The following MAPK4 variants were observed in gnomAD, a reference collection of about 807,000 sequenced individuals.
MAPK4 encodes the protein mitogen-activated protein kinase 4.
In MAPK4, 22 loss-of-function variants were observed where a neutral mutation model predicts 47.7. The ratio of observed to expected loss-of-function variants is 0.46; its 90% CI spans 0.33 to 0.66. The LOEUF (loss-of-function observed/expected upper bound fraction) is 0.66. Ranked by LOEUF, MAPK4 falls within the 30% of genes least tolerant of loss-of-function variation. The probability of loss-of-function intolerance (pLI) is 0.02; values close to 1 mark genes in which losing one functional copy is unlikely to be tolerated. For missense variants in MAPK4, 736 were observed against 831.7 expected, an observed-to-expected ratio of 0.88 and a Z score of 1.42; for synonymous variants, 390 against 365.7, an observed-to-expected ratio of 1.07 and a Z score of -0.76.
At chr18:50,633,776 G>C (rs911494306) in intron 1 of MAPK4, among the ~76,000 whole-genome samples, 2 of 152,188 alleles carry the variant, frequency 1.3e-5, no homozygotes, top group South Asian at 4.1e-4. Flanking sequence ...TGGTTGATAG[G>C]GTTGGTGATG....
intron 2 of MAPK4, among the ~76,000 whole-genome samples, chr18:50,680,128 G>A (rs1452295534): frequency 1.1e-4 from 12 of 111,668 alleles, no homozygotes; most frequent in African/African-American, 3.4e-4. Context: ...TTTCGCTCTT[G>A]TCGTCCAGGC....
At chr18:50,710,951 G>A (rs1256282009) in intron 2 of MAPK4, among the ~76,000 whole-genome samples, 2 of 152,180 alleles carry the variant, frequency 1.3e-5, no homozygotes, top group Non-Finnish European at 2.9e-5. Flanking sequence ...GGCAGTGGGG[G>A]CACAGCAAGG....
Position 50,721,949 on chromosome 18 carries a change from C to T in MAPK4, c.703C>T (p.Leu235=). 6.2e-7 allele frequency: 1 copy of T among 1,614,094 alleles called. No individual in the cohort carries two copies. Among genetic ancestry groups the T allele is most frequent in the Non-Finnish European group, 8.5e-7 (1 of 1,180,028 alleles). Residue 235 remains leucine (L), a synonymous_variant, in exon 4 of 6, where the codon CTG becomes TTG. Transcript: ENST00000400384. The part of the protein sequence containing the change: ...GRMLFAGAHE[L]EQMQLILETI... ...CATTGCCTCCCCAGGGGCCCATGAG[C>T]TGGAGCAGATGCAACTCATCCTGGA... is the stretch of plus-strand genomic sequence containing the variant.
At chr18:50,567,486 C>T (rs1190592888) in intron 1 of MAPK4, among the ~76,000 whole-genome samples, 1 of 152,094 alleles carries the variant, frequency 6.6e-6, no homozygotes, top group Non-Finnish European at 1.5e-5. Context: ...GGTATACATT[C>T]CAAAGAGTGA....
intron 2 of MAPK4, among the ~76,000 whole-genome samples, chr18:50,670,028 G>A (rs886858951): frequency 6.6e-5 from 10 of 152,026 alleles, no homozygotes; most frequent in Admixed American, 1.3e-4. Flanking sequence ...GCGTGGTGGC[G>A]GGCACCTGTA....
chr18:50,620,016 AT>A (rs1477754526), intron 1 of MAPK4, among the ~76,000 whole-genome samples: 1 of 152,188 alleles, frequency 6.6e-6, no homozygotes, highest in Non-Finnish European at 1.5e-5. Flanking sequence ...CAACTTCTTT[AT>A]TTGGGTTGGC....
intron 2 of MAPK4, among the ~76,000 whole-genome samples, chr18:50,712,192 C>CGAGGTAGGCAGACTGCGTGAGCTCAG: frequency 6.6e-6 from 1 of 152,264 alleles, no homozygotes; most frequent in East Asian, 1.9e-4. Context: ...TTCGAAAGGC[C>CGAGGTAGGCAGACTGCGTGAGCTCAG]GAGGTAGGCA....
intron 1 of MAPK4, among the ~76,000 whole-genome samples, chr18:50,620,913 T>G (rs1438949807): frequency 6.6e-6 from 1 of 152,182 alleles, no homozygotes; most frequent in Non-Finnish European, 1.5e-5. Context: ...ATCAACCTAA[T>G]AATTATTTTA....
At chr18:50,683,659 T>G (rs1463984917) in intron 2 of MAPK4, among the ~76,000 whole-genome samples, 1 of 152,190 alleles carries the variant, frequency 6.6e-6, no homozygotes, top group East Asian at 1.9e-4. Flanking sequence ...CTAGACAAGG[T>G]TCCTGCCTTC....
intron 1 of MAPK4, among the ~76,000 whole-genome samples, chr18:50,635,426 C>T (rs1405664317): frequency 1.3e-5 from 2 of 152,142 alleles, no homozygotes; most frequent in Non-Finnish European, 2.9e-5. Flanking sequence ...ACCAGCACCA[C>T]CCAAATACTA....
chr18:50,578,305 A>G (rs1598790982), intron 1 of MAPK4, among the ~76,000 whole-genome samples: 1 of 152,252 alleles, frequency 6.6e-6, no homozygotes, highest in East Asian at 1.9e-4. Context: ...AGGCTCCACA[A>G]CAGTGGTTTT....
chr18:50,594,535 G>T (rs572821450), intron 1 of MAPK4, among the ~76,000 whole-genome samples: 1 of 152,116 alleles, frequency 6.6e-6, no homozygotes, highest in South Asian at 2.1e-4. Context: ...GAAAAAAATG[G>T]ATATTAATCT....
chr18:50,701,606 A>G (rs7233835), intron 2 of MAPK4, among the ~76,000 whole-genome samples: 3,864 of 152,206 alleles, frequency 0.025, 152 homozygotes, highest in African/African-American at 0.088. Context: ...GCTAAGGCCC[A>G]CGGAATCAAC....
At chr18:50,645,011 C>T (rs757343386) in intron 1 of MAPK4, among the ~76,000 whole-genome samples, 4 of 152,006 alleles carry the variant, frequency 2.6e-5, no homozygotes, top group Admixed American at 2.0e-4. Flanking sequence ...GATTTGCAGG[C>T]GAGAGCCATC....
At chr18:50,611,844 A>G (rs1231689418) in intron 1 of MAPK4, among the ~76,000 whole-genome samples, 1 of 152,176 alleles carries the variant, frequency 6.6e-6, no homozygotes, top group African/African-American at 2.4e-5. Flanking sequence ...CACACCATTG[A>G]CATCACTTTC....
In MAPK4 at chr18:50,729,912, C is replaced by CT. The variant is rs1911465073; in HGVS notation, c.*59dup. On this transcript the variant is annotated 3_prime_UTR_variant, in exon 6 of 6. Transcript: ENST00000400384. ...AGGAGACCCCCAGAGAAAGCCGGGG[C>CT]TGGCAGGAGGCGGCCGCCCTTCCCG... 1.4e-6 allele frequency: 2 copies of CT among 1,474,220 alleles called. No individual in the cohort carries two copies. The highest frequency in any genetic ancestry group is 1.4e-5 in the African/African-American group (1 of 71,524). 91.3% of individuals were successfully genotyped at this position (1,474,220 alleles called of 1,614,324 possible). A position where few individuals can be genotyped will look rare whatever the true frequency, so the allele number is the denominator to read the frequency against.
intron 2 of MAPK4, chr18:50,704,768 C>G (rs1909964751): frequency 2.5e-6 from 1 of 398,510 alleles, no homozygotes; most frequent in Admixed American, 4.4e-5. Flanking sequence ...CCCTCCCTGC[C>G]TCTGCATCCT....
chr18:50,714,219 C>T (rs1405037102), intron 2 of MAPK4, among the ~76,000 whole-genome samples: 1 of 152,138 alleles, frequency 6.6e-6, no homozygotes, highest in African/African-American at 2.4e-5. Context: ...TTTTTTCTTA[C>T]ATTAGAAAGA....
Position 50,729,368 on chromosome 18 carries a change from C to T in MAPK4, c.1278C>T (p.Arg426=). 5 of 1,575,278 alleles carry T rather than the reference C, an allele frequency of 3.2e-6. No homozygotes were observed. The highest frequency in any genetic ancestry group is 1.1e-5 in the South Asian group (1 of 87,442). Residue 426 remains arginine (R), a synonymous_variant, in exon 6 of 6, where the codon CGC becomes CGT. Coordinates refer to ENST00000400384, the MANE Select transcript of MAPK4 (RefSeq NM_002747.4). ...MERAFEADYG[R]SCDYKVGSPS... The stretch of plus-strand genomic sequence containing the variant: ...GCGCCTTCGAGGCCGACTACGGGCG[C>T]TCCTGCGACTACAAGGTGGGGTCGC...
Sources: allele counts gnomAD v4.1 joint callset (sites outside exome capture counted in the v4.1 genomes callset), GRCh38; gene constraint gnomAD v4.1.1; transcripts MANE v1.5; gene names NCBI Gene and HGNC (gene_info 2026-07-23, HGNC 2026-07-21).